The following RSF1 variants were observed in gnomAD, a reference collection of about 807,000 sequenced individuals.
The protein encoded by RSF1 is HBV pX-associated protein 8.
A neutral mutation model predicts 145.2 loss-of-function variants in RSF1; 13 were observed. The ratio of observed to expected loss-of-function variants is 0.09; its 90% CI spans 0.06 to 0.14. The LOEUF (loss-of-function observed/expected upper bound fraction) is 0.14, where lower values mean the gene tolerates loss of function less well. Ranked by LOEUF, RSF1 falls within the 10% of genes least tolerant of loss-of-function variation. RSF1 has a pLI of 1.00. For missense variants in RSF1, 1,517 were observed against 1,718.2 expected (o/e 0.88, Z 2.07); for synonymous variants, 577 against 592.6 (o/e 0.97, Z 0.38).
At chr11:77,734,785 A>G in intron 4 of RSF1, 3 of 1,593,278 alleles carry the variant, frequency 1.9e-6, no homozygotes, top group Non-Finnish European at 2.6e-6. Flanking sequence ...CTGAAGGAAG[A>G]TTCGGCCACC....
chr11:77,760,639 TGAGAA>T (rs951485670), intron 2 of RSF1, among the ~76,000 whole-genome samples: 1 of 152,234 alleles, frequency 6.6e-6, no homozygotes, highest in African/African-American at 2.4e-5. Context: ...AATTTACTTT[TGAGAA>T]ATACAACAGT....
At chr11:77,736,028 C>T (rs938383539) in intron 4 of RSF1, among the ~76,000 whole-genome samples, 3 of 152,220 alleles carry the variant, frequency 2.0e-5, no homozygotes, top group Non-Finnish European at 4.4e-5. Flanking sequence ...TGAGCCGCCG[C>T]ACCCGGCCAT....
intron 14 of RSF1, 118 bp from the exon 15 acceptor site, chr11:77,672,348 C>A: frequency 3.8e-6 from 3 of 788,734 alleles, no homozygotes; most frequent in East Asian, 2.7e-5. Context: ...TTTAAGTGAA[C>A]AGTAACTTTT....
intron 2 of RSF1, among the ~76,000 whole-genome samples, chr11:77,757,124 G>A (rs1449062755): frequency 3.3e-5 from 5 of 152,194 alleles, no homozygotes; most frequent in African/African-American, 1.2e-4. Flanking sequence ...AGGAGGTAAA[G>A]CTCATTTGAG....
chr11:77,822,564 TTTC>T (rs1190295848), upstream of RSF1, among the ~76,000 whole-genome samples: 1 of 152,148 alleles, frequency 6.6e-6, no homozygotes, highest in Non-Finnish European at 1.5e-5. Flanking sequence ...ACCGAATTTT[TTTC>T]TTCATTTCCA....
intron 4 of RSF1, among the ~76,000 whole-genome samples, chr11:77,726,592 A>T (rs1156789308): frequency 6.6e-6 from 1 of 152,228 alleles, no homozygotes; most frequent in Non-Finnish European, 1.5e-5. Flanking sequence ...GCTGTCAGAC[A>T]GTGCATAATG....
intron 1 of RSF1, among the ~76,000 whole-genome samples, chr11:77,773,308 T>G (rs1477607469): frequency 2.0e-5 from 3 of 152,114 alleles, no homozygotes; most frequent in Non-Finnish European, 2.9e-5. Context: ...GTACAATCAG[T>G]GGCGCCAATT....
chr11:77,666,815 T>C lies in RSF1; in HGVS notation c.*102A>G. 2.1e-6 allele frequency: 2 copies of C among 932,174 alleles called. No homozygotes were observed. Among genetic ancestry groups the C allele is most frequent in the African/African-American group, 1.6e-5 (1 of 61,436 alleles). The allele number at this position is 932,174 out of a possible 1,614,324, so 57.7% of individuals were successfully genotyped here. A position where few individuals can be genotyped will look rare whatever the true frequency, so the allele number is the denominator to read the frequency against. On this transcript the variant is annotated 3_prime_UTR_variant, in exon 16 of 16. Coordinates refer to ENST00000308488, the MANE Select transcript of RSF1 (RefSeq NM_016578.4). ...GAAATTTTTCTTCTAAAAGTCATTC[T>C]GTAGTGGAGTTTTCTAGGAAAAATT...
intron 4 of RSF1, among the ~76,000 whole-genome samples, chr11:77,737,656 G>GTGTGTGTGTGTGTT (rs1961397874): frequency 7.2e-6 from 1 of 139,254 alleles, no homozygotes; most frequent in Non-Finnish European, 1.6e-5. Context: ...GTGTGTGTGT[G>GTGTGTGTGTGTGTT]TGTGTGTGTG....
the RSF1 span, among the ~76,000 whole-genome samples, chr11:77,854,854 G>T: frequency 2.0e-5 from 3 of 152,192 alleles, no homozygotes; most frequent in Admixed American, 1.3e-4. Context: ...TATTGTAGAG[G>T]TTTTCCATGA....
intron 4 of RSF1, among the ~76,000 whole-genome samples, chr11:77,727,473 C>CTTTTTTTT (rs59747840): frequency 2.7e-5 from 3 of 112,246 alleles, no homozygotes; most frequent in African/African-American, 7.0e-5. Context: ...ACTTCCACTA[C>CTTTTTTTT]TTTTTTTTTT....
chr11:77,803,052 C>T (rs899977573), intron 1 of RSF1, among the ~76,000 whole-genome samples: 1 of 152,154 alleles, frequency 6.6e-6, no homozygotes, highest in Non-Finnish European at 1.5e-5. Flanking sequence ...GGGATAGGGG[C>T]TAGCCATGCC....
chr11:77,821,205 C>T (rs540222090), upstream of RSF1: 1 of 304,908 alleles, frequency 3.3e-6, no homozygotes, highest in Non-Finnish European at 6.0e-6. Flanking sequence ...AGCACTGCGC[C>T]GTTTGGGAAC....
Position 77,664,012 on chromosome 11 carries a change from T to A in RSF1, c.*2905A>T, listed in dbSNP as rs1959298981. ...GCTCTAAAAAAGATCCAAGACTGTCTAAACTCTACATCAATTACTGCTTTC... is the reference window on the plus strand; with the variant it reads ...GCTCTAAAAAAGATCCAAGACTGTCAAAACTCTACATCAATTACTGCTTTC... On this transcript the variant is annotated 3_prime_UTR_variant, in exon 16 of 16. Transcript: ENST00000308488. 6.6e-6 allele frequency: 1 copy of A among 152,222 alleles called. No homozygotes were observed. Among genetic ancestry groups the A allele is most frequent in the African/African-American group, 2.4e-5 (1 of 41,464 alleles). 9.4% of individuals were successfully genotyped at this position (152,222 alleles called of 1,614,324 possible).
chr11:77,676,738 C>G, intron 13 of RSF1, 54 bp downstream of exon 13: 2 of 1,513,060 alleles, frequency 1.3e-6, no homozygotes, highest in Non-Finnish European at 1.8e-6. Flanking sequence ...TCTGCTAGCC[C>G]AGTCCTGTTC....
At chr11:77,692,083 A>G (rs983770480) in intron 8 of RSF1, among the ~76,000 whole-genome samples, 5 of 151,666 alleles carry the variant, frequency 3.3e-5, no homozygotes, top group Non-Finnish European at 5.9e-5. Context: ...TAGAGATGGG[A>G]TATCGTCATG....
At chr11:77,865,160 T>A in the RSF1 span, among the ~76,000 whole-genome samples, 1 of 152,330 alleles carries the variant, frequency 6.6e-6, no homozygotes, top group Middle Eastern at 3.4e-3. Flanking sequence ...CTACTGCACA[T>A]GATTTGCCTA....
At chr11:77,688,943 T>A (rs1488875058) in intron 9 of RSF1, among the ~76,000 whole-genome samples, 1 of 152,178 alleles carries the variant, frequency 6.6e-6, no homozygotes, top group East Asian at 1.9e-4. Flanking sequence ...ATTTTTAAGG[T>A]TCACCTTTGC....
the RSF1 span, among the ~76,000 whole-genome samples, chr11:77,871,605 C>A: frequency 6.6e-6 from 1 of 152,150 alleles, no homozygotes; most frequent in African/African-American, 2.4e-5. Context: ...CTCACACCAA[C>A]CCTGTGATGT....
Sources: allele counts gnomAD v4.1 joint callset (sites outside exome capture counted in the v4.1 genomes callset), GRCh38; gene constraint gnomAD v4.1.1; transcripts MANE v1.5; gene names NCBI Gene and HGNC (gene_info 2026-07-23, HGNC 2026-07-21).